ZRANB2: variants seen among roughly 807,000 people sequenced by gnomAD.
ZRANB2 encodes the protein zinc finger RANBP2-type containing 2.
Under a neutral mutation model 53.4 loss-of-function variants are expected in ZRANB2, and 19 were observed. The ratio of observed to expected loss-of-function variants is 0.36; its 90% confidence interval spans 0.25 to 0.52. The LOEUF is 0.52. Among genes scored for constraint, ZRANB2 ranks in the 20% least tolerant of loss-of-function variants. ZRANB2 has a pLI of 0.93. For synonymous variants in ZRANB2, 145 were observed against 134.8 expected (o/e 1.08, Z -0.52); for missense variants, 309 against 401.1 (o/e 0.77, Z 1.96).
intron 4 of ZRANB2, among the ~76,000 whole-genome samples, chr1:71,073,149 T>A (rs1661631023): frequency 6.6e-6 from 1 of 152,110 alleles, no homozygotes; most frequent in South Asian, 2.1e-4. Context: ...ATTAAATGAT[T>A]CTATTAAAAA....
intron 7 of ZRANB2, among the ~76,000 whole-genome samples, chr1:71,070,593 A>C (rs1339701441): frequency 6.6e-6 from 1 of 152,168 alleles, no homozygotes; most frequent in Non-Finnish European, 1.5e-5. Flanking sequence ...ATTTTAGTCA[A>C]AAGCATGAGG....
intron 7 of ZRANB2, 53 bp from the exon 8 acceptor site, chr1:71,069,415 G>T: frequency 7.3e-7 from 1 of 1,367,948 alleles, no homozygotes; most frequent in Non-Finnish European, 1.0e-6. Context: ...ATTGAGCTTT[G>T]TGATATGAAC....
chr1:71,070,769 T>TAA, intron 7 of ZRANB2, 58 bp downstream of exon 7: 1 of 1,067,314 alleles, frequency 9.4e-7, no homozygotes, highest in Non-Finnish European at 1.3e-6. Flanking sequence ...AATTTATAAA[T>TAA]AAAAAAGTTA....
At position 71,080,146 on chromosome 1, in the gene ZRANB2, A is replaced by G. The variant is rs1023650229; in HGVS notation, c.56+794T>C. Among the ~76,000 whole-genome samples the G allele has an allele frequency of 4.6e-5, 7 of 152,214 alleles. No homozygotes were observed. The South Asian group carries it at 1.2e-3, about 27-fold the overall frequency. ...ACAAATAAAAGGCTTTTATGTGAAC[A>G]TGAGTTGTACATTAAATTATTTTCC... is the stretch of plus-strand genomic sequence containing the variant. On this transcript the variant is annotated intron_variant, in intron 1 of 9. Coordinates refer to ENST00000370920, the MANE Select transcript of ZRANB2 (RefSeq NM_203350.3).
At chr1:71,079,713 TG>T (rs1166595923) in intron 1 of ZRANB2, among the ~76,000 whole-genome samples, 1 of 152,220 alleles carries the variant, frequency 6.6e-6, no homozygotes, top group Non-Finnish European at 1.5e-5. Flanking sequence ...GTCCTACCTC[TG>T]GGTGTGCTGT....
chr1:71,070,853 G>T lies in ZRANB2; in HGVS notation c.657C>A (p.Ser219=), dbSNP rs768403066. Residue 219 remains serine (S), a synonymous_variant, in exon 7 of 10, where the codon TCC becomes TCA. Transcript: ENST00000370920. ...TGGACCTAGACCTTGAACTTGAGGG[G>T]GAGGATGAGCGTGATGAAGATCGTG... The part of the protein sequence containing the change: ...SHSRSSSRSS[S]PSSSRSRSRS... 8.1e-6 allele frequency: 13 copies of T among 1,601,470 alleles called. No homozygotes were observed. In the South Asian group the frequency reaches 9.0e-5, roughly 11 times the overall value.
At chr1:71,067,676 C>A (rs768359166) in intron 8 of ZRANB2, 2 of 435,050 alleles carry the variant, frequency 4.6e-6, no homozygotes, top group East Asian at 1.6e-4. Flanking sequence ...AAAATAAAAC[C>A]AGAAAGCCCA....
chr1:71,067,603 C>G lies in ZRANB2; in HGVS notation c.771-669G>C, dbSNP rs560493255. ...TGTTTAAATACAAATTTTTTTTCTT[C>G]ACTTGTATATTTTGGTTGAAGGAAT... On this transcript the variant is annotated intron_variant, in intron 8 of 9. Coordinates refer to ENST00000370920, the MANE Select transcript of ZRANB2 (RefSeq NM_203350.3). 9 of 408,568 alleles carry G rather than the reference C, an allele frequency of 2.2e-5. No individual in the cohort carries two copies. In the East Asian group the frequency reaches 8.5e-4, roughly 39 times the overall value. 25.3% of individuals were successfully genotyped at this position (408,568 alleles called of 1,614,324 possible). A position where few individuals can be genotyped will look rare whatever the true frequency, so the allele number is the denominator to read the frequency against.
chr1:71,076,709 G>A, intron 4 of ZRANB2, 86 bp downstream of exon 4: 1 of 990,262 alleles, frequency 1.0e-6, no homozygotes, highest in Non-Finnish European at 1.6e-6. Flanking sequence ...ACTTACTGTG[G>A]CTCTTACTCG....
At chr1:71,075,083 G>A (rs1391960447) in intron 4 of ZRANB2, among the ~76,000 whole-genome samples, 1 of 152,100 alleles carries the variant, frequency 6.6e-6, no homozygotes, top group East Asian at 1.9e-4. Flanking sequence ...CAGGAAATAG[G>A]TCAAAGTTTT....
intron 3 of ZRANB2, among the ~76,000 whole-genome samples, chr1:71,077,882 A>C (rs1557794826): frequency 6.6e-6 from 1 of 152,120 alleles, no homozygotes; most frequent in East Asian, 1.9e-4. Context: ...AACAAACAAA[A>C]AGAGAAATTT....
intron 4 of ZRANB2, among the ~76,000 whole-genome samples, chr1:71,075,841 G>A (rs12030413): frequency 7.3e-5 from 11 of 150,868 alleles, no homozygotes; most frequent in Admixed American, 5.9e-4. Flanking sequence ...TTGGGCTGGG[G>A]AAGGGGGGAT....
At chr1:71,073,336 T>C (rs925280218) in intron 4 of ZRANB2, among the ~76,000 whole-genome samples, 2 of 151,980 alleles carry the variant, frequency 1.3e-5, no homozygotes, top group African/African-American at 4.8e-5. Flanking sequence ...TAAAGAGGTA[T>C]GTGTTGATCA....
intron 6 of ZRANB2, 42 bp downstream of exon 6, chr1:71,072,079 T>A (rs778232335): frequency 1.3e-6 from 2 of 1,591,850 alleles, no homozygotes; most frequent in South Asian, 2.3e-5. Flanking sequence ...ATGGTATAAC[T>A]CCAATAAGAC....
chr1:71,072,673 T>A, intron 4 of ZRANB2, 125 bp from the exon 5 acceptor site: 1 of 642,626 alleles, frequency 1.6e-6, no homozygotes. Flanking sequence ...ATCTAATAAA[T>A]TACTAGTCTT....
rs748598455 is a variant in ZRANB2, at chr1:71,078,414, A to G, written c.218+43T>C. 4 of 1,544,006 alleles carry G rather than the reference A, an allele frequency of 2.6e-6. No homozygotes were observed. The African/African-American group carries it at 5.5e-5, about 21-fold the overall frequency. The stretch of plus-strand genomic sequence containing the variant: ...ATATAAACAAGTAGTGGCCAGATCT[A>G]TTATTTTGGAAGAAAGAGCAGACAA... On this transcript the variant is annotated intron_variant, in intron 3 of 9. Coordinates refer to ENST00000370920, the MANE Select transcript of ZRANB2 (RefSeq NM_203350.3).
chr1:71,073,121 T>C (rs2101047767), intron 4 of ZRANB2, among the ~76,000 whole-genome samples: 1 of 152,260 alleles, frequency 6.6e-6, no homozygotes, highest in African/African-American at 2.4e-5. Context: ...TTCTCTGAAG[T>C]AGCCAGTAAA....
In ZRANB2 at chr1:71,063,340, T is replaced by C. The variant is rs1661347798; in HGVS notation, c.*1734A>G. 6.6e-6 allele frequency: 1 copy of C among 152,490 alleles called. No individual in the cohort carries two copies. Among genetic ancestry groups the C allele is most frequent in the Non-Finnish European group, 1.5e-5 (1 of 67,946 alleles). The allele number at this position is 152,490 out of a possible 1,614,324, so 9.4% of individuals were successfully genotyped here. ...ATTTCTAACAAACACCACTTGATGC[T>C]TGACTCACAGGCTTTATTTACATTT... On this transcript the variant is annotated 3_prime_UTR_variant, in exon 10 of 10. Transcript: ENST00000370920.
At chr1:71,065,862 T>A in intron 9 of ZRANB2, 1 of 1,497,470 alleles carries the variant, frequency 6.7e-7, no homozygotes, top group South Asian at 1.2e-5. Flanking sequence ...ACAGAATGAA[T>A]TCCACTCAAA....
Sources: gnomAD v4.1 joint callset for allele counts (sites outside exome capture counted in the v4.1 genomes callset) on GRCh38, gnomAD v4.1.1 for gene constraint, MANE v1.5 for transcripts, NCBI Gene and HGNC (gene_info 2026-07-23, HGNC 2026-07-21) for gene names.